The following ATP10A variants were observed in gnomAD, a reference collection of about 807,000 sequenced individuals.
ATP10A encodes phospholipid-transporting ATPase VA.
In ATP10A, 111 loss-of-function variants were observed where a neutral mutation model predicts 147.8. The ratio of observed to expected loss-of-function variants is 0.75; its 90% CI spans 0.64 to 0.88. ATP10A has a LOEUF of 0.88. Among genes scored for constraint, ATP10A ranks in the 40% least tolerant of loss-of-function variants. The pLI is 0.00. For missense variants in ATP10A, 1,927 were observed against 1,959.0 expected, an observed-to-expected ratio of 0.98 and a Z score of 0.31; for synonymous variants, 875 against 841.6, an observed-to-expected ratio of 1.04 and a Z score of -0.69.
intron 1 of ATP10A, among the ~76,000 whole-genome samples, chr15:25,843,679 C>T (rs1274304800): frequency 2.0e-5 from 3 of 152,088 alleles, no homozygotes; most frequent in Non-Finnish European, 2.9e-5. Flanking sequence ...AGAAAAGGTC[C>T]TTTGGGGATA....
intron 1 of ATP10A, among the ~76,000 whole-genome samples, chr15:25,842,068 GT>G (rs200214347): frequency 0.017 from 2,663 of 152,288 alleles, 33 homozygotes; most frequent in African/African-American, 0.042. Flanking sequence ...TGTTGCTGTT[GT>G]GTGGGTGGAT....
intron 6 of ATP10A, among the ~76,000 whole-genome samples, chr15:25,723,361 A>G (rs973998306): frequency 1.4e-4 from 5 of 35,986 alleles, no homozygotes; most frequent in Non-Finnish European, 5.0e-4. Context: ...AAAAAAGAAA[A>G]AGAGAAAAAA....
chr15:25,794,452 A>G (rs1291237980), intron 1 of ATP10A, among the ~76,000 whole-genome samples: 3 of 152,230 alleles, frequency 2.0e-5, no homozygotes, highest in African/African-American at 7.2e-5. Context: ...CTAAATTGTA[A>G]TGGGCTACAG....
At chr15:25,714,629 T>C (rs1251437381) in intron 9 of ATP10A, among the ~76,000 whole-genome samples, 1 of 152,086 alleles carries the variant, frequency 6.6e-6, no homozygotes, top group East Asian at 1.9e-4. Flanking sequence ...CCTGGATGTA[T>C]GCAGGGGAGT....
chr15:25,725,836 A>T, intron 5 of ATP10A, 115 bp downstream of exon 5: 3 of 1,265,888 alleles, frequency 2.4e-6, no homozygotes, highest in Non-Finnish European at 3.1e-6. Flanking sequence ...CCAGCTGGTC[A>T]CCAACTCCTG....
chr15:25,829,258 G>A (rs4906788), intron 1 of ATP10A, among the ~76,000 whole-genome samples: 21,484 of 152,100 alleles, frequency 0.14, 1,825 homozygotes, highest in Middle Eastern at 0.28. Context: ...ATGGCTGGCT[G>A]GTGATGTCAC....
chr15:25,698,022 A>C (rs1242744975), intron 13 of ATP10A, among the ~76,000 whole-genome samples: 1 of 151,752 alleles, frequency 6.6e-6, no homozygotes, highest in Admixed American at 6.5e-5. Flanking sequence ...AAGTTTACCG[A>C]AGTGTCACAG....
rs573450556 is a variant in ATP10A, at chr15:25,745,944, G to C, written c.655-9803C>G. On this transcript the variant is annotated intron_variant, in intron 2 of 20. Transcript: ENST00000555815. ...GTAAACTCAATGAATCAGAAAGAAG[G>C]CAAAAATGGAGAGAAAAAAGAATAC... Among the ~76,000 whole-genome samples the C allele has an allele frequency of 9.7e-4, 147 of 151,862 alleles. 1 individual carries two copies. The highest frequency in any genetic ancestry group is 3.4e-3 in the Middle Eastern group (1 of 294).
chr15:25,842,827 C>A (rs1215984195), intron 1 of ATP10A, among the ~76,000 whole-genome samples: 1 of 152,112 alleles, frequency 6.6e-6, no homozygotes, highest in Non-Finnish European at 1.5e-5. Context: ...GGTCCTCCCA[C>A]CTCAGCCTCC....
chr15:25,861,763 G>C (rs1446628935), intron 1 of ATP10A: 1 of 153,896 alleles, frequency 6.5e-6, no homozygotes, highest in South Asian at 2.0e-4. Context: ...AGCTTTGGAG[G>C]AAAGCTAAGA....
rs535803428 is a variant in ATP10A, at chr15:25,796,831, T to C, written c.450-15608A>G. Among the ~76,000 whole-genome samples the C allele has an allele frequency of 1.4e-4, 21 of 152,348 alleles. No homozygotes were observed. In the East Asian group the frequency reaches 4.1e-3, roughly 29 times the overall value. On this transcript the variant is annotated intron_variant, in intron 1 of 20. Coordinates refer to ENST00000555815, the MANE Select transcript of ATP10A (RefSeq NM_024490.4). ...CTGGCCTTGTAGAGGCCTTCCTCCTTCCGTAGCTTTGGAGATGTTTAAAAA... is the reference window on the plus strand; with the variant it reads ...CTGGCCTTGTAGAGGCCTTCCTCCTCCCGTAGCTTTGGAGATGTTTAAAAA...
At chr15:25,758,808 A>T (rs1023404978) in intron 2 of ATP10A, among the ~76,000 whole-genome samples, 22 of 48,244 alleles carry the variant, frequency 4.6e-4, no homozygotes, top group African/African-American at 1.7e-3. Flanking sequence ...GCTCCACCCT[A>T]ACTCATTCCG....
At chr15:25,853,114 A>G (rs1893364082) in intron 1 of ATP10A, among the ~76,000 whole-genome samples, 1 of 152,242 alleles carries the variant, frequency 6.6e-6, no homozygotes, top group African/African-American at 2.4e-5. Flanking sequence ...TCCCCAGTGG[A>G]AAAATAACCA....
rs761037213 is a variant in ATP10A, at chr15:25,726,025, A to G, written c.905T>C (p.Leu302Pro). 1 of 1,614,168 alleles carries G rather than the reference A, an allele frequency of 6.2e-7. No individual in the cohort carries two copies. Among genetic ancestry groups the G allele is most frequent in the Non-Finnish European group, 8.5e-7 (1 of 1,180,014 alleles). The change falls in exon 5 of 21, where the codon CTG becomes CCG. Residue 302 changes from leucine to proline, a missense_variant. Coordinates refer to ENST00000555815, the MANE Select transcript of ATP10A (RefSeq NM_024490.4). ...CACGTCGCAGTTCATCTGCCTCTCC[A>G]GCTTGCTGCGCTTGTAGCGGGGCCC... ...NSGPRYKRSK[L>P]ERQMNCDVLW... is the part of the protein sequence containing the mutation.
At chr15:25,745,026 CT>C (rs1228342111) in intron 2 of ATP10A, among the ~76,000 whole-genome samples, 1 of 152,134 alleles carries the variant, frequency 6.6e-6, no homozygotes, top group African/African-American at 2.4e-5. Context: ...AGAAAATAAA[CT>C]CTTAAAGGGA....
At chr15:25,790,676 A>C (rs1890373870) in intron 1 of ATP10A, among the ~76,000 whole-genome samples, 2 of 152,336 alleles carry the variant, frequency 1.3e-5, no homozygotes, top group African/African-American at 2.4e-5. Context: ...ATGCCTAAAC[A>C]CAGTATCACT....
At chr15:25,862,235 C>T in intron 1 of ATP10A, 4 of 469,440 alleles carry the variant, frequency 8.5e-6, no homozygotes, top group South Asian at 3.1e-5. Flanking sequence ...TGTCCTGTGC[C>T]GGCTGTTCAG....
chr15:25,810,703 G>C (rs1170247174), intron 1 of ATP10A, among the ~76,000 whole-genome samples: 1 of 152,112 alleles, frequency 6.6e-6, no homozygotes, highest in Non-Finnish European at 1.5e-5. Flanking sequence ...CCCTGGGCAG[G>C]ACGAGGAGCC....
chr15:25,829,039 C>T (rs937067101), intron 1 of ATP10A, among the ~76,000 whole-genome samples: 4 of 152,192 alleles, frequency 2.6e-5, no homozygotes, highest in African/African-American at 9.7e-5. Flanking sequence ...GGGTAACAGA[C>T]ACACAACTCC....
Sources: gnomAD v4.1 joint callset for allele counts (sites outside exome capture counted in the v4.1 genomes callset) on GRCh38, gnomAD v4.1.1 for gene constraint, MANE v1.5 for transcripts, NCBI Gene and HGNC (gene_info 2026-07-23, HGNC 2026-07-21) for gene names.